KALRN: variants seen among roughly 807,000 people sequenced by gnomAD.
The protein encoded by KALRN is kalirin RhoGEF kinase.
KALRN carries 70 observed loss-of-function variants against 353.7 expected under a neutral mutation model. That is an observed-to-expected ratio of 0.20 (90% CI 0.16 to 0.24). KALRN has a LOEUF of 0.24. Among genes scored for constraint, KALRN ranks in the 10% least tolerant of loss-of-function variants. KALRN has a pLI of 1.00. For missense variants in KALRN, 2,791 were observed against 3,756.7 expected (o/e 0.74, Z 6.72); for synonymous variants, 1,391 against 1,434.8 (o/e 0.97, Z 0.69).
chr3:124,552,185 G>T (rs1444178434), intron 33 of KALRN, among the ~76,000 whole-genome samples: 1 of 152,192 alleles, frequency 6.6e-6, no homozygotes, highest in Non-Finnish European at 1.5e-5. Context: ...CAGTGACCAG[G>T]AGTATTTGCT....
chr3:124,519,363 A>G (rs921611439), intron 33 of KALRN: 4 of 985,322 alleles, frequency 4.1e-6, no homozygotes, highest in Non-Finnish European at 4.8e-6. Flanking sequence ...CAACACACTC[A>G]AGAGAGAGCC....
intron 34 of KALRN, among the ~76,000 whole-genome samples, chr3:124,570,097 G>A: frequency 6.6e-6 from 1 of 152,064 alleles, no homozygotes; most frequent in Admixed American, 6.5e-5. Context: ...TACCAGGAGA[G>A]TCCTCCAAAG....
At chr3:124,110,473 A>ATG (rs1559977194) in intron 1 of KALRN, among the ~76,000 whole-genome samples, 17 of 149,378 alleles carry the variant, frequency 1.1e-4, no homozygotes, top group African/African-American at 4.0e-4. Flanking sequence ...ACGCGCGCAC[A>ATG]CACACACACA....
chr3:124,198,022 A>G (rs888423642), intron 1 of KALRN, among the ~76,000 whole-genome samples: 8 of 152,220 alleles, frequency 5.3e-5, no homozygotes, highest in Middle Eastern at 3.2e-3. Flanking sequence ...TGATTTTTAA[A>G]AAACAATACC....
At chr3:124,517,210 G>A (rs547283635) in intron 33 of KALRN, among the ~76,000 whole-genome samples, 1 of 152,174 alleles carries the variant, frequency 6.6e-6, no homozygotes, top group Non-Finnish European at 1.5e-5. Flanking sequence ...AAATGCATGT[G>A]TATAGCTCCT....
intron 7 of KALRN, among the ~76,000 whole-genome samples, chr3:124,329,616 G>T (rs1276078494): frequency 6.6e-6 from 1 of 152,076 alleles, no homozygotes; most frequent in African/African-American, 2.4e-5. Context: ...TGATTCACCT[G>T]CCACCTACAG....
intron 1 of KALRN, chr3:124,164,429 A>T (rs1180798454): frequency 6.6e-6 from 1 of 152,206 alleles, no homozygotes; most frequent in African/African-American, 2.4e-5. Flanking sequence ...GCATGGGAGC[A>T]AACCCACTCT....
chr3:124,331,665 A>G (rs1042956226), intron 8 of KALRN, among the ~76,000 whole-genome samples: 3 of 152,210 alleles, frequency 2.0e-5, no homozygotes, highest in African/African-American at 7.2e-5. Context: ...CCATGGGTCA[A>G]GAATCTTTAA....
chr3:124,299,847 C>G (rs1655500933), intron 6 of KALRN, among the ~76,000 whole-genome samples: 1 of 152,112 alleles, frequency 6.6e-6, no homozygotes, highest in Admixed American at 6.6e-5. Flanking sequence ...CGTGGCTACC[C>G]CAAGATTTTA....
chr3:124,604,451 A>C (rs182816646), intron 34 of KALRN, among the ~76,000 whole-genome samples: 12 of 152,198 alleles, frequency 7.9e-5, no homozygotes, highest in African/African-American at 2.9e-4. Flanking sequence ...CCTTGTGATC[A>C]TAGAATTGAA....
intron 1 of KALRN, among the ~76,000 whole-genome samples, chr3:124,071,857 GA>G (rs2149271002): frequency 6.6e-6 from 1 of 152,312 alleles, no homozygotes; most frequent in Non-Finnish European, 1.5e-5. Context: ...CCCAGAGAAA[GA>G]GAGCAGAATA....
intron 19 of KALRN, among the ~76,000 whole-genome samples, chr3:124,444,706 G>A (rs1217210902): frequency 6.6e-6 from 1 of 151,134 alleles, no homozygotes; most frequent in East Asian, 1.9e-4. Context: ...TACTCAGGTG[G>A]CTGAAGTGGG....
intron 1 of KALRN, among the ~76,000 whole-genome samples, chr3:124,138,482 A>G (rs1020549787): frequency 1.3e-5 from 2 of 152,152 alleles, no homozygotes; most frequent in Non-Finnish European, 2.9e-5. Context: ...TTCACACTCA[A>G]TGGGCAGAGA....
chr3:124,475,486 G>A (rs941540576), intron 26 of KALRN, among the ~76,000 whole-genome samples: 5 of 152,156 alleles, frequency 3.3e-5, no homozygotes, highest in Non-Finnish European at 7.3e-5. Context: ...GTCCACTTAG[G>A]ACACTGAGTG....
intron 1 of KALRN, among the ~76,000 whole-genome samples, chr3:124,034,324 G>A (rs925568407): frequency 7.2e-5 from 11 of 152,192 alleles, no homozygotes; most frequent in African/African-American, 2.7e-4. Context: ...ACAGGAGTGG[G>A]GCGGAAGACA....
intron 1 of KALRN, chr3:124,152,641 T>A (rs2068327160): frequency 1.7e-6 from 1 of 586,916 alleles, no homozygotes; most frequent in Admixed American, 3.2e-5. Context: ...TTGCCCAGGC[T>A]GGAGTGCAGT....
chr3:124,610,960 A>T (rs1368055732), intron 34 of KALRN, among the ~76,000 whole-genome samples: 1 of 152,188 alleles, frequency 6.6e-6, no homozygotes, highest in Non-Finnish European at 1.5e-5. Flanking sequence ...TGGGAGATCG[A>T]GACTGCAGTG....
chr3:124,243,859 G>A (rs890101586), intron 3 of KALRN, among the ~76,000 whole-genome samples: 4 of 152,146 alleles, frequency 2.6e-5, no homozygotes, highest in African/African-American at 9.7e-5. Context: ...TCACAGAAGG[G>A]GCTGACAACA....
At chr3:124,133,639 G>A (rs2065575493) in intron 1 of KALRN, among the ~76,000 whole-genome samples, 1 of 152,172 alleles carries the variant, frequency 6.6e-6, no homozygotes, top group South Asian at 2.1e-4. Flanking sequence ...TGGGGCTATT[G>A]CCAAGTCCCC....
Sources: allele counts gnomAD v4.1 joint callset (sites outside exome capture counted in the v4.1 genomes callset), GRCh38; gene constraint gnomAD v4.1.1; transcripts MANE v1.5; gene names NCBI Gene and HGNC (gene_info 2026-07-23, HGNC 2026-07-21).